Variants in SSBP2 observed in about 807,000 individuals in gnomAD.
SSBP2 encodes single-stranded DNA-binding protein 2.
A neutral mutation model predicts 61.8 loss-of-function variants in SSBP2; 17 were observed. The ratio of observed to expected loss-of-function variants is 0.28; its 90% confidence interval spans 0.19 to 0.41. The LOEUF is 0.41. Among genes scored for constraint, SSBP2 ranks in the 10% least tolerant of loss-of-function variants. SSBP2 has a pLI of 1.00. For missense variants in SSBP2, 310 were observed against 458.7 expected, an observed-to-expected ratio of 0.68 and a Z score of 2.96; for synonymous variants, 139 against 141.3, an observed-to-expected ratio of 0.98 and a Z score of 0.12.
At chr5:81,612,374 T>C (rs916619754) in intron 4 of SSBP2, among the ~76,000 whole-genome samples, 2 of 152,142 alleles carry the variant, frequency 1.3e-5, no homozygotes, top group African/African-American at 4.8e-5. Context: ...TAGAACTAAC[T>C]GAAAGGTGAA....
chr5:81,498,160 C>G (rs538190804), intron 5 of SSBP2, among the ~76,000 whole-genome samples: 6 of 152,152 alleles, frequency 3.9e-5, no homozygotes, highest in African/African-American at 1.4e-4. Flanking sequence ...ATAAAACATT[C>G]TGCTTTCTTA....
chr5:81,615,649 T>A (rs548359684), intron 3 of SSBP2, 92 bp from the exon 4 acceptor site: 3 of 862,236 alleles, frequency 3.5e-6, no homozygotes, highest in Admixed American at 4.9e-5. Context: ...TTTTTCTTTA[T>A]ACAAAATGTT....
At chr5:81,592,080 C>T (rs573056707) in intron 4 of SSBP2, among the ~76,000 whole-genome samples, 1 of 152,344 alleles carries the variant, frequency 6.6e-6, no homozygotes, top group African/African-American at 2.4e-5. Context: ...AATTCCCTTT[C>T]CTAGTCAAAG....
chr5:81,668,811 C>G (rs1751369534), intron 1 of SSBP2, among the ~76,000 whole-genome samples: 1 of 152,064 alleles, frequency 6.6e-6, no homozygotes, highest in Non-Finnish European at 1.5e-5. Context: ...AGGTCCTCAT[C>G]ATTTGTACAG....
At chr5:81,492,754 T>C (rs947255142) in intron 5 of SSBP2, among the ~76,000 whole-genome samples, 6 of 152,202 alleles carry the variant, frequency 3.9e-5, no homozygotes, top group Non-Finnish European at 7.3e-5. Flanking sequence ...TCTGTACCTC[T>C]ATTAATTAGC....
intron 4 of SSBP2, among the ~76,000 whole-genome samples, chr5:81,537,117 G>A (rs995366552): frequency 1.3e-5 from 2 of 152,070 alleles, no homozygotes; most frequent in Admixed American, 1.3e-4. Context: ...CTCCAAAAAA[G>A]TGAGGGATTG....
chr5:81,440,872 C>T (rs1762986877), intron 13 of SSBP2, among the ~76,000 whole-genome samples: 1 of 152,170 alleles, frequency 6.6e-6, no homozygotes, highest in Non-Finnish European at 1.5e-5. Context: ...CATCATTTAT[C>T]TCCAAATTTT....
intron 10 of SSBP2, among the ~76,000 whole-genome samples, chr5:81,458,504 T>C (rs1426905763): frequency 6.6e-6 from 1 of 152,228 alleles, no homozygotes; most frequent in Non-Finnish European, 1.5e-5. Context: ...AAATTCTTTG[T>C]AGTATTCTTG....
At chr5:81,630,512 G>A (rs1747600133) in intron 3 of SSBP2, among the ~76,000 whole-genome samples, 1 of 152,004 alleles carries the variant, frequency 6.6e-6, no homozygotes, top group South Asian at 2.1e-4. Context: ...AGTAGCTTTA[G>A]GGGAAAAAAT....
chr5:81,579,803 T>C (rs1402832425), intron 4 of SSBP2, among the ~76,000 whole-genome samples: 3 of 152,268 alleles, frequency 2.0e-5, no homozygotes, highest in East Asian at 1.9e-4. Context: ...TGCCAGTTCC[T>C]GTCTGGACCA....
At chr5:81,618,049 G>A (rs1269165587) in intron 3 of SSBP2, among the ~76,000 whole-genome samples, 1 of 114,792 alleles carries the variant, frequency 8.7e-6, no homozygotes, top group Non-Finnish European at 1.9e-5. Context: ...ATCAACCAAT[G>A]AGCAAAATCA....
intron 1 of SSBP2, among the ~76,000 whole-genome samples, chr5:81,656,549 G>A (rs1561660427): frequency 1.3e-5 from 2 of 152,042 alleles, no homozygotes; most frequent in South Asian, 2.1e-4. Context: ...TGATTTGTGA[G>A]ATCTGTGACA....
chr5:81,537,754 T>A (rs1415380430), intron 4 of SSBP2, among the ~76,000 whole-genome samples: 1 of 152,130 alleles, frequency 6.6e-6, no homozygotes, highest in Admixed American at 6.5e-5. Context: ...ACATAATCCA[T>A]AGATGGGTGT....
Position 81,417,588 on chromosome 5 carries a change from GA to G in SSBP2, c.*2915del, listed in dbSNP as rs1414246621. 2 of 152,028 alleles carry G rather than the reference GA, an allele frequency of 1.3e-5. No homozygotes were observed. The highest frequency in any genetic ancestry group is 2.9e-5 in the Non-Finnish European group (2 of 67,990). The allele number at this position is 152,028 out of a possible 1,614,324, so 9.4% of individuals were successfully genotyped here. On this transcript the variant is annotated 3_prime_UTR_variant, in exon 17 of 17. Coordinates refer to ENST00000320672, the MANE Select transcript of SSBP2 (RefSeq NM_012446.5). ...CAACACGAATGCATTGATAAAGATG[GA>G]AAACACAAGAGAAAAACATTAAATA...
At chr5:81,671,390 C>T (rs1475830132) in intron 1 of SSBP2, among the ~76,000 whole-genome samples, 1 of 152,042 alleles carries the variant, frequency 6.6e-6, no homozygotes, top group African/African-American at 2.4e-5. Flanking sequence ...CATTAGTCAA[C>T]TCTTAAGCAT....
chr5:81,737,217 T>C (rs1326949390), intron 1 of SSBP2, among the ~76,000 whole-genome samples: 1 of 151,028 alleles, frequency 6.6e-6, no homozygotes, highest in Non-Finnish European at 1.5e-5. Flanking sequence ...CACTTTGGAG[T>C]TCACAAAACC....
intron 4 of SSBP2, among the ~76,000 whole-genome samples, chr5:81,589,441 T>C (rs1775326112): frequency 6.6e-6 from 1 of 152,218 alleles, no homozygotes; most frequent in South Asian, 2.1e-4. Flanking sequence ...TTAATCTTGG[T>C]AAAAATAAAT....
intron 9 of SSBP2, among the ~76,000 whole-genome samples, chr5:81,463,521 G>A (rs1399240259): frequency 2.6e-5 from 4 of 151,830 alleles, no homozygotes; most frequent in Non-Finnish European, 4.4e-5. Flanking sequence ...GCAACATGTC[G>A]AAACCCCATC....
At chr5:81,602,108 C>T (rs1197502458) in intron 4 of SSBP2, among the ~76,000 whole-genome samples, 1 of 152,070 alleles carries the variant, frequency 6.6e-6, no homozygotes, top group Admixed American at 6.6e-5. Flanking sequence ...TTGCTAGCCT[C>T]TTGTTTCCTC....
Sources: allele counts gnomAD v4.1 joint callset (sites outside exome capture counted in the v4.1 genomes callset), GRCh38; gene constraint gnomAD v4.1.1; transcripts MANE v1.5; gene names NCBI Gene and HGNC (gene_info 2026-07-23, HGNC 2026-07-21).